Variants in MTCL1 observed in about 807,000 individuals in gnomAD.
MTCL1 encodes the protein microtubule crosslinking factor 1.
Under a neutral mutation model 141.4 loss-of-function variants are expected in MTCL1, and 79 were observed. The ratio of observed to expected loss-of-function variants is 0.56; its 90% CI spans 0.47 to 0.67. MTCL1 has a LOEUF of 0.67. Ranked by LOEUF, MTCL1 falls within the 30% of genes least tolerant of loss-of-function variation. MTCL1 has a pLI of 0.00. For synonymous variants in MTCL1, 914 were observed against 875.8 expected, an observed-to-expected ratio of 1.04 and a Z score of -0.77; for missense variants, 2,177 against 2,113.9, an observed-to-expected ratio of 1.03 and a Z score of -0.59.
chr18:8,814,791 G>A (rs1244219426), intron 12 of MTCL1, among the ~76,000 whole-genome samples: 8 of 152,112 alleles, frequency 5.3e-5, no homozygotes, highest in Non-Finnish European at 1.2e-4. Context: ...TGTTAGCCAT[G>A]GTGGCTTGTT....
chr18:8,737,317 CAG>C (rs2096279464), intron 4 of MTCL1, among the ~76,000 whole-genome samples: 1 of 152,158 alleles, frequency 6.6e-6, no homozygotes, highest in African/African-American at 2.4e-5. Context: ...TAAACAGAGA[CAG>C]GGAAGTTTAA....
At position 8,813,236 on chromosome 18, in the gene MTCL1, A is replaced by G. The variant is rs747190503; in HGVS notation, c.2859+3A>G. On this transcript the variant is annotated splice_donor_region_variant and intron_variant, in intron 12 of 16. Transcript: ENST00000359865. ...AATTCTTGTGGAGGATAGAGCAGGT[A>G]AGGAGGCACCCCGGGGCCCTGGAGC... 6.2e-6 allele frequency: 10 copies of G among 1,610,068 alleles called. No individual in the cohort carries two copies. The highest frequency in any genetic ancestry group is 2.2e-5 in the East Asian group (1 of 44,784).
intron 4 of MTCL1, among the ~76,000 whole-genome samples, chr18:8,767,668 C>T (rs1046528458): frequency 1.3e-5 from 2 of 151,546 alleles, no homozygotes; most frequent in South Asian, 2.1e-4. Flanking sequence ...CCAGGTGAGG[C>T]GGAGCAGAGG....
intron 12 of MTCL1, among the ~76,000 whole-genome samples, chr18:8,817,521 G>A (rs762522618): frequency 1.1e-4 from 16 of 151,968 alleles, no homozygotes; most frequent in Non-Finnish European, 1.8e-4. Flanking sequence ...ATGAGCAAAC[G>A]TCCTTTTGTC....
chr18:8,756,093 C>T (rs1184277919), intron 4 of MTCL1, among the ~76,000 whole-genome samples: 1 of 152,212 alleles, frequency 6.6e-6, no homozygotes, highest in Non-Finnish European at 1.5e-5. Context: ...GCCAAGATCG[C>T]ACCACTGCAC....
intron 1 of MTCL1, among the ~76,000 whole-genome samples, chr18:8,711,140 T>C: frequency 6.6e-6 from 1 of 151,282 alleles, no homozygotes. Context: ...ATATGCGGTG[T>C]TTGGTTTTTT....
chr18:8,826,246 A>T lies in MTCL1; in HGVS notation c.4722+14A>T. 3.2e-6 allele frequency: 5 copies of T among 1,562,808 alleles called. No homozygotes were observed. In the South Asian group the frequency reaches 3.7e-5, roughly 11 times the overall value. On this transcript the variant is annotated intron_variant, in intron 15 of 16. Transcript: ENST00000359865. Reference sequence around the variant, plus strand: ...GGGCCCATGGAGGTAATGAATGCTGAGTGCCCCACACCCTTCCCCACCAGC... The same window carrying T: ...GGGCCCATGGAGGTAATGAATGCTGTGTGCCCCACACCCTTCCCCACCAGC...
intron 7 of MTCL1, among the ~76,000 whole-genome samples, chr18:8,792,784 C>T (rs1412132393): frequency 6.6e-6 from 1 of 152,190 alleles, no homozygotes; most frequent in Non-Finnish European, 1.5e-5. Flanking sequence ...AGATGCAGGG[C>T]AGGTGGAACT....
upstream of MTCL1, among the ~76,000 whole-genome samples, chr18:8,712,400 C>G (rs74953889): frequency 3.7e-3 from 568 of 152,288 alleles, 5 homozygotes; most frequent in Non-Finnish European, 4.0e-3. Context: ...TGGTTTTTGA[C>G]ATTTGGCAGC....
At chr18:8,753,326 A>G (rs1327535176) in intron 4 of MTCL1, among the ~76,000 whole-genome samples, 2 of 152,230 alleles carry the variant, frequency 1.3e-5, no homozygotes, top group Non-Finnish European at 2.9e-5. Flanking sequence ...ATTGTTTGAA[A>G]TAAAGGTATT....
rs576976861 is a variant in MTCL1, at chr18:8,784,245, G to C, written c.1133G>C (p.Arg378Pro). 9.3e-6 allele frequency: 15 copies of C among 1,607,932 alleles called. No homozygotes were observed. In the South Asian group the frequency reaches 9.9e-5, roughly 11 times the overall value. ...GACCTGGCAGCCCACCTGGGGCTGC[G>C]TGCCCCCAGTCCCCGGGACAGCGAT... Residue 378 changes from arginine (R) to proline (P), a missense_variant, in exon 6 of 17, where the codon CGT (arginine) becomes CCT (proline). By Grantham distance (103) the Arg-to-Pro change is moderately radical. Transcript: ENST00000359865.
rs2096526682 is a variant in MTCL1 at position 8,779,786 on chromosome 18, A to G, written c.417+1894A>G. On this transcript the variant is annotated intron_variant, in intron 5 of 16. Transcript: ENST00000359865. The surrounding 1 kb of genome is among the most constrained non-coding windows in gnomAD (Gnocchi z 4.1). ...GAAATGACAGCATGCTGTCATGCTGACAGCTTTTTTCTTTAAGGAACGAGA... is the reference window on the plus strand; with the variant it reads ...GAAATGACAGCATGCTGTCATGCTGGCAGCTTTTTTCTTTAAGGAACGAGA... 1.3e-5 allele frequency among the ~76,000 whole-genome samples: 2 copies of G among 152,140 alleles called. No individual in the cohort carries two copies. Among genetic ancestry groups the G allele is most frequent in the Admixed American group, 1.3e-4 (2 of 15,276 alleles).
intron 5 of MTCL1, among the ~76,000 whole-genome samples, chr18:8,780,070 C>G (rs546668589): frequency 6.6e-6 from 1 of 152,302 alleles, no homozygotes; most frequent in South Asian, 2.1e-4. Context: ...GCACGTATAA[C>G]CTCCAGCGTG....
chr18:8,761,895 G>A (rs975594673), intron 4 of MTCL1, among the ~76,000 whole-genome samples: 1 of 152,184 alleles, frequency 6.6e-6, no homozygotes, highest in African/African-American at 2.4e-5. Context: ...GATTTGGGTG[G>A]GGACACAGCC....
chr18:8,765,836 A>G (rs1598557279), intron 4 of MTCL1, among the ~76,000 whole-genome samples: 1 of 152,352 alleles, frequency 6.6e-6, no homozygotes, highest in African/African-American at 2.4e-5. Flanking sequence ...AGCAGGGAGC[A>G]GCCACATCAA....
intron 4 of MTCL1, among the ~76,000 whole-genome samples, chr18:8,763,196 GAA>G (rs1417145274): frequency 2.6e-5 from 4 of 152,218 alleles, no homozygotes; most frequent in Non-Finnish European, 5.9e-5. Context: ...TTATGTGCAA[GAA>G]AACAGAACTG....
chr18:8,724,967 CT>C (rs11336536), intron 4 of MTCL1, among the ~76,000 whole-genome samples: 4,208 of 145,842 alleles, frequency 0.029, 190 homozygotes, highest in African/African-American at 0.098. Flanking sequence ...CAATTTTCAT[CT>C]TTTTTTTTTT....
chr18:8,794,202 T>A (rs1415029084), intron 8 of MTCL1, among the ~76,000 whole-genome samples: 1 of 152,248 alleles, frequency 6.6e-6, no homozygotes, highest in Admixed American at 6.5e-5. Flanking sequence ...AAAAATTGTT[T>A]GAAAAGTGAG....
intron 10 of MTCL1, among the ~76,000 whole-genome samples, chr18:8,799,869 T>C (rs1245484860): frequency 6.6e-6 from 1 of 152,208 alleles, no homozygotes; most frequent in Non-Finnish European, 1.5e-5. Context: ...TCAGCATATT[T>C]TATTGTCATT....
Sources: gnomAD v4.1 joint callset for allele counts (sites outside exome capture counted in the v4.1 genomes callset) on GRCh38, gnomAD v4.1.1 for gene constraint, Gnocchi (gnomAD v3.1) non-coding constraint, MANE v1.5 for transcripts, NCBI Gene and HGNC (gene_info 2026-07-23, HGNC 2026-07-21) for gene names.